The following UGT1A1 variants were observed in gnomAD, a reference collection of about 807,000 sequenced individuals.
The protein encoded by UGT1A1 is UDP glucuronosyltransferase family 1 member A1.
UGT1A1 carries 33 observed loss-of-function variants against 40.6 expected under a neutral mutation model. The ratio of observed to expected loss-of-function variants is 0.81; its 90% CI spans 0.62 to 1.09. The LOEUF (loss-of-function observed/expected upper bound fraction) is 1.09. Ranked by LOEUF, UGT1A1 falls within the 50% of genes least tolerant of loss-of-function variation. UGT1A1 has a pLI of 0.00. For synonymous variants in UGT1A1, 249 were observed against 265.0 expected (o/e 0.94, Z 0.59); for missense variants, 694 against 671.2 (o/e 1.03, Z -0.38).
intron 2 of UGT1A1, 109 bp downstream of exon 2, chr2:233,767,274 T>C (rs1575825821): frequency 5.7e-6 from 9 of 1,580,016 alleles, no homozygotes. Context: ...ATTTGGCTTT[T>C]CCCTGCCACT....
At position 233,767,893 on chromosome 2, in the gene UGT1A1, CA is replaced by C. The variant is rs745655794; in HGVS notation, c.1043del (p.Asn348ThrfsTer18). ...TGTRPSNLAN[N>X]TILVKWLPQN... ...GAACCCGACCATCGAATCTTGCGAA[CA>C]ACACGATACTTGTTAAGTGGCTACC... On this transcript the variant is annotated frameshift_variant, in exon 3 of 5. Coordinates refer to ENST00000305208, the MANE Select transcript of UGT1A1 (RefSeq NM_000463.3). LOFTEE classifies it high-confidence loss of function. The C allele has an allele frequency of 3.1e-6, 5 of 1,614,158 alleles. No individual in the cohort carries two copies. In the South Asian group the frequency reaches 5.5e-5, roughly 18 times the overall value.
chr2:233,767,912 T>A lies in UGT1A1; in HGVS notation c.1060T>A (p.Trp354Arg), dbSNP rs1559414817. The change falls in exon 3 of 5, where the codon TGG (tryptophan) becomes AGG (arginine). Residue 354 changes from tryptophan (W) to arginine (R), a missense_variant. Physicochemically the swap from Trp to Arg is moderately radical, Grantham distance 101. Coordinates refer to ENST00000305208, the MANE Select transcript of UGT1A1 (RefSeq NM_000463.3). ...TGCGAACAACACGATACTTGTTAAG[T>A]GGCTACCCCAAAACGATCTGCTTGG... is the stretch of plus-strand genomic sequence containing the variant. The part of the protein sequence containing the change: ...NLANNTILVK[W>R]LPQNDLLGHP... The A allele has an allele frequency of 2.5e-6, 4 of 1,614,202 alleles. No homozygotes were observed. Among genetic ancestry groups the A allele is most frequent in the Non-Finnish European group, 3.4e-6 (4 of 1,180,044 alleles).
rs559155778 is a variant in UGT1A1 at position 233,769,190 on chromosome 2, G to A, written c.1304+751G>A. Among the ~76,000 whole-genome samples, 1 of 152,304 alleles carries A rather than the reference G, an allele frequency of 6.6e-6. No homozygotes were observed. The highest frequency in any genetic ancestry group is 2.4e-5 in the African/African-American group (1 of 41,564). ...GTCCATGGAGTTTATGAATGAAGGA[G>A]CTATAAGATATCACAGACAAAGTCT... On this transcript the variant is annotated intron_variant, in intron 4 of 4. Transcript: ENST00000305208. The surrounding 1 kb of genome is among the most constrained non-coding windows in gnomAD (Gnocchi z 4.4).
chr2:233,766,101 A>G (rs1699049254), intron 1 of UGT1A1, among the ~76,000 whole-genome samples: 1 of 152,188 alleles, frequency 6.6e-6, no homozygotes, highest in South Asian at 2.1e-4. Context: ...GGCTTTCTGT[A>G]TCCTGGGGGC....
chr2:233,763,501 T>C (rs1395198282), intron 1 of UGT1A1, among the ~76,000 whole-genome samples: 3 of 152,238 alleles, frequency 2.0e-5, no homozygotes, highest in Non-Finnish European at 4.4e-5. Context: ...CAGTTTACTT[T>C]ATGTTTAGTT....
At chr2:233,764,677 A>G (rs1698620096) in intron 1 of UGT1A1, among the ~76,000 whole-genome samples, 1 of 152,174 alleles carries the variant, frequency 6.6e-6, no homozygotes, top group Non-Finnish European at 1.5e-5. Flanking sequence ...CAGAAGAAAG[A>G]ACTTGAAGAG....
intron 1 of UGT1A1, 72 bp downstream of exon 1, chr2:233,761,223 C>T: frequency 1.2e-6 from 2 of 1,613,412 alleles, no homozygotes; most frequent in Non-Finnish European, 1.7e-6. Context: ...ATTAACTAGC[C>T]CCAGATATAT....
intron 1 of UGT1A1, among the ~76,000 whole-genome samples, chr2:233,761,771 C>A (rs1035405620): frequency 6.6e-6 from 1 of 152,236 alleles, no homozygotes; most frequent in East Asian, 1.9e-4. Context: ...GTAGCATTCA[C>A]ATCCTCATCG....
intron 1 of UGT1A1, 101 bp from the exon 2 acceptor site, chr2:233,766,933 A>C: frequency 6.3e-7 from 1 of 1,584,088 alleles, no homozygotes; most frequent in South Asian, 1.2e-5. Flanking sequence ...CATGCCTTTA[A>C]TCATAGTCTT....
Position 233,760,629 on chromosome 2 carries a change from G to C in UGT1A1, c.342G>C (p.Lys114Asn). The change falls in exon 1 of 5, where the codon AAG (lysine) becomes AAC (asparagine). Residue 114 changes from lysine (K) to asparagine (N), a missense_variant. Lys to Asn is a moderately conservative substitution (Grantham distance 94). Transcript: ENST00000305208. ...TGCAGCGTGTGATCAAAACATACAA[G>C]AAAATAAAAAAGGACTCTGCTATGC... ...SFLQRVIKTY[K>N]KIKKDSAMLL... The C allele has an allele frequency of 1.2e-6, 2 of 1,614,104 alleles. No homozygotes were observed. The highest frequency in any genetic ancestry group is 1.7e-6 in the Non-Finnish European group (2 of 1,180,014).
intron 1 of UGT1A1, 145 bp from the exon 2 acceptor site, chr2:233,766,889 C>A: frequency 6.8e-7 from 1 of 1,464,614 alleles, no homozygotes; most frequent in Non-Finnish European, 9.0e-7. Context: ...GTAAAACTTA[C>A]ATATTAATAA....
In UGT1A1 at chr2:233,760,531, C is replaced by T. The variant is rs1397137648; in HGVS notation, c.244C>T (p.Pro82Ser). 4 of 1,614,130 alleles carry T rather than the reference C, an allele frequency of 2.5e-6. No homozygotes were observed. Among genetic ancestry groups the T allele is most frequent in the Non-Finnish European group, 3.4e-6 (4 of 1,180,056 alleles). ...TTACACCTTGAAGACGTACCCTGTG[C>T]CATTCCAAAGGGAGGATGTGAAAGA... is the stretch of plus-strand genomic sequence containing the variant. ...AFYTLKTYPV[P>S]FQREDVKESF... Residue 82 changes from proline (P) to serine (S), a missense_variant, in exon 1 of 5, where the codon CCA (proline) becomes TCA (serine). Coordinates refer to ENST00000305208, the MANE Select transcript of UGT1A1 (RefSeq NM_000463.3).
chr2:233,767,880 C>G lies in UGT1A1; in HGVS notation c.1028C>G (p.Ser343Trp), dbSNP rs144978321. Reference sequence around the variant, plus strand: ...TGGCGGTACACTGGAACCCGACCATCGAATCTTGCGAACAACACGATACTT... The same window carrying G: ...TGGCGGTACACTGGAACCCGACCATGGAATCTTGCGAACAACACGATACTT... Reference protein sequence around the residue: ...VLWRYTGTRPSNLANNTILVK... With the variant: ...VLWRYTGTRPWNLANNTILVK... Residue 343 changes from serine to tryptophan, a missense_variant, in exon 3 of 5, where the codon TCG becomes TGG. By Grantham distance (177) the Ser-to-Trp change is radical. Transcript: ENST00000305208. 6.2e-7 allele frequency: 1 copy of G among 1,614,168 alleles called. No individual in the cohort carries two copies. The highest frequency in any genetic ancestry group is 1.7e-5 in the Admixed American group (1 of 60,018).
chr2:233,765,010 C>G (rs940800648), intron 1 of UGT1A1, among the ~76,000 whole-genome samples: 10 of 152,056 alleles, frequency 6.6e-5, no homozygotes, highest in Non-Finnish European at 1.2e-4. Context: ...TGTTCCAAAT[C>G]AGGCTTGGCA....
At chr2:233,768,188 A>G in intron 3 of UGT1A1, 32 bp from the exon 4 acceptor site, 1 of 1,614,062 alleles carries the variant, frequency 6.2e-7, no homozygotes, top group Non-Finnish European at 8.5e-7. Context: ...CAGAGATGTA[A>G]CTGCTGACAT....
rs764918207 is a variant in UGT1A1 at position 233,760,359 on chromosome 2, G to A, written c.72G>A (p.Val24=). 62 of 1,614,004 alleles carry A rather than the reference G, an allele frequency of 3.8e-5. No homozygotes were observed. The South Asian group carries it at 4.0e-4, about 10-fold the overall frequency. ...TGCTGTGTGTGCTGGGCCCAGTGGTGTCCCATGCTGGGAAGATACTGTTGA... is the reference window on the plus strand; with the variant it reads ...TGCTGTGTGTGCTGGGCCCAGTGGTATCCCATGCTGGGAAGATACTGTTGA... ...GLLLCVLGPV[V]SHAGKILLIP... Residue 24 remains valine (V), a synonymous_variant, in exon 1 of 5, where the codon GTG becomes GTA. Transcript: ENST00000305208.
chr2:233,768,873 C>T (rs952377610), intron 4 of UGT1A1, among the ~76,000 whole-genome samples: 1 of 151,950 alleles, frequency 6.6e-6, no homozygotes, highest in African/African-American at 2.4e-5. Flanking sequence ...CATGAGCCAG[C>T]GCGTCTGACC....
rs879204025 is a variant in UGT1A1, at chr2:233,769,857, CAAA to C, written c.1304+1433_1304+1435del. The C allele has an allele frequency of 9.2e-3, 2,056 of 222,634 alleles. No homozygotes were observed. Among genetic ancestry groups the C allele is most frequent in the South Asian group, 0.014 (129 of 9,020 alleles). The allele number at this position is 222,634 out of a possible 1,614,324, so 13.8% of individuals were successfully genotyped here. On this transcript the variant is annotated intron_variant, in intron 4 of 4. Transcript: ENST00000305208. The surrounding 1 kb of genome is among the most constrained non-coding windows in gnomAD (Gnocchi z 4.4). ...TGGGCAACAGAGTGAGACCCTGTCT[CAAA>C]AAAAAAAAAAAAAATGAAAAGTCCA...
In UGT1A1 at chr2:233,772,705, C is replaced by G. The variant is rs769331263; in HGVS notation, c.*146C>G. ...CAGCCCCAGAGTGCTTTAAAAAATT[C>G]TCTTAAATAAAAATAATAGACTCGC... is the stretch of plus-strand genomic sequence containing the variant. On this transcript the variant is annotated 3_prime_UTR_variant, in exon 5 of 5. Coordinates refer to ENST00000305208, the MANE Select transcript of UGT1A1 (RefSeq NM_000463.3). 3.4e-6 allele frequency: 5 copies of G among 1,474,690 alleles called. No individual in the cohort carries two copies. Among genetic ancestry groups the G allele is most frequent in the Non-Finnish European group, 4.5e-6 (5 of 1,119,720 alleles). 91.4% of individuals were successfully genotyped at this position (1,474,690 alleles called of 1,614,324 possible).
Sources: allele counts gnomAD v4.1 joint callset (sites outside exome capture counted in the v4.1 genomes callset), GRCh38; gene constraint gnomAD v4.1.1; non-coding constraint Gnocchi (gnomAD v3.1); transcripts MANE v1.5; gene names NCBI Gene and HGNC (gene_info 2026-07-23, HGNC 2026-07-21).